VPS41: variants seen among roughly 807,000 people sequenced by gnomAD.
VPS41 encodes the protein VPS41 subunit of HOPS complex.
In VPS41, 85 loss-of-function variants were observed where a neutral mutation model predicts 130.9. That is an observed-to-expected ratio of 0.65 (90% CI 0.55 to 0.78). The LOEUF (loss-of-function observed/expected upper bound fraction) is 0.78, where lower values mean the gene tolerates loss of function less well. VPS41 is among the 30% of genes least tolerant of loss of function. The probability of loss-of-function intolerance (pLI) is 0.00; values close to 1 mark genes in which losing one functional copy is unlikely to be tolerated. For synonymous variants in VPS41, 335 were observed against 332.9 expected (o/e 1.01, Z -0.07); for missense variants, 874 against 1,018.7 (o/e 0.86, Z 1.93).
intron 4 of VPS41, among the ~76,000 whole-genome samples, chr7:38,847,347 G>T (rs1352855768): frequency 6.6e-6 from 1 of 151,836 alleles, no homozygotes; most frequent in Non-Finnish European, 1.5e-5. Flanking sequence ...AAGATTCCTA[G>T]TCCACAGGGC....
chr7:38,900,684 G>C (rs189124425), intron 1 of VPS41, among the ~76,000 whole-genome samples: 28 of 152,296 alleles, frequency 1.8e-4, no homozygotes, highest in African/African-American at 6.5e-4. Flanking sequence ...TGAATCTTCA[G>C]GGAAAACTGG....
intron 27 of VPS41, among the ~76,000 whole-genome samples, chr7:38,728,086 T>C (rs2115558205): frequency 6.6e-6 from 1 of 152,324 alleles, no homozygotes; most frequent in African/African-American, 2.4e-5. Context: ...CTATAAATTT[T>C]TTTTCCCAGA....
intron 4 of VPS41, among the ~76,000 whole-genome samples, chr7:38,840,841 C>G (rs1471992964): frequency 6.6e-6 from 1 of 152,168 alleles, no homozygotes; most frequent in Non-Finnish European, 1.5e-5. Context: ...TTCATTGAAA[C>G]AGTAAAACCA....
intron 18 of VPS41, among the ~76,000 whole-genome samples, 158 bp downstream of exon 18, chr7:38,758,196 G>T (rs762397567): frequency 6.6e-6 from 1 of 152,110 alleles, no homozygotes; most frequent in Non-Finnish European, 1.5e-5. Context: ...TGTCCTTATC[G>T]CCTACTCATT....
intron 5 of VPS41, among the ~76,000 whole-genome samples, chr7:38,826,049 T>C (rs181329895): frequency 1.3e-5 from 2 of 152,276 alleles, no homozygotes; most frequent in African/African-American, 4.8e-5. Flanking sequence ...CCTCCAGTGG[T>C]AGCTAAAGGG....
chr7:38,889,165 C>T (rs1347612651), intron 2 of VPS41, among the ~76,000 whole-genome samples: 1 of 149,052 alleles, frequency 6.7e-6, no homozygotes, highest in African/African-American at 2.5e-5. Context: ...AAAGGGCCAA[C>T]ATTCATGTTA....
At chr7:38,858,854 T>C (rs1786041591) in intron 4 of VPS41, among the ~76,000 whole-genome samples, 1 of 152,206 alleles carries the variant, frequency 6.6e-6, no homozygotes, top group African/African-American at 2.4e-5. Context: ...CTTATTGGTA[T>C]TTAGAATATA....
At chr7:38,884,259 G>A (rs910946464) in intron 2 of VPS41, among the ~76,000 whole-genome samples, 1 of 152,122 alleles carries the variant, frequency 6.6e-6, no homozygotes, top group African/African-American at 2.4e-5. Context: ...AACTCTCTTT[G>A]TGGCTGATGC....
Position 38,728,799 on chromosome 7 carries a change from A to G in VPS41, c.2260-8T>C. On this transcript the variant is annotated splice_polypyrimidine_tract_variant and splice_region_variant and intron_variant, in intron 25 of 28. Coordinates refer to ENST00000310301, the MANE Select transcript of VPS41 (RefSeq NM_014396.4). ...GCCTTCACGAAGCAGAATCTAATGC[A>G]TACATTTTAAAAGAAAAGCCATCTT... The G allele has an allele frequency of 6.2e-7, 1 of 1,613,382 alleles. No individual in the cohort carries two copies. The highest frequency in any genetic ancestry group is 8.5e-7 in the Non-Finnish European group (1 of 1,179,362).
intron 14 of VPS41, among the ~76,000 whole-genome samples, chr7:38,770,069 A>C (rs1784124718): frequency 6.6e-6 from 1 of 152,146 alleles, no homozygotes; most frequent in African/African-American, 2.4e-5. Context: ...CGGGAGTTCA[A>C]GACCAGCCTG....
At chr7:38,854,615 A>C (rs1030628264) in intron 4 of VPS41, among the ~76,000 whole-genome samples, 4 of 152,238 alleles carry the variant, frequency 2.6e-5, no homozygotes, top group African/African-American at 9.6e-5. Flanking sequence ...GTATGAAAAA[A>C]ACCTTGATTA....
intron 4 of VPS41, among the ~76,000 whole-genome samples, chr7:38,854,705 T>A (rs1785940160): frequency 6.6e-6 from 1 of 152,196 alleles, no homozygotes; most frequent in African/African-American, 2.4e-5. Context: ...AATTTCTTAT[T>A]TCTATCAGTT....
At chr7:38,730,919 A>G (rs1378250291) in intron 25 of VPS41, among the ~76,000 whole-genome samples, 1 of 152,228 alleles carries the variant, frequency 6.6e-6, no homozygotes, top group African/African-American at 2.4e-5. Flanking sequence ...AAAACAGCAA[A>G]ATATGCAAAC....
At chr7:38,739,926 C>T (rs536273327) in intron 25 of VPS41, among the ~76,000 whole-genome samples, 1 of 152,164 alleles carries the variant, frequency 6.6e-6, no homozygotes, top group Non-Finnish European at 1.5e-5. Context: ...ATTCATTTTG[C>T]ATCTAATAAT....
In VPS41 at chr7:38,737,898, A is replaced by G. The variant is rs147490197; in HGVS notation, c.2259+4087T>C. ...CTAGGCAGGTGTTGGCCTAAAGGCA[A>G]TTCAGCTTTGTACCCAATGCCTTAG... On this transcript the variant is annotated intron_variant, in intron 25 of 28. Transcript: ENST00000310301. Among the ~76,000 whole-genome samples, 5 of 152,362 alleles carry G rather than the reference A, an allele frequency of 3.3e-5. No homozygotes were observed. In the East Asian group the frequency reaches 9.6e-4, roughly 29 times the overall value.
intron 10 of VPS41, among the ~76,000 whole-genome samples, chr7:38,785,134 T>C (rs1784417520): frequency 6.6e-6 from 1 of 152,218 alleles, no homozygotes; most frequent in African/African-American, 2.4e-5. Context: ...CAGATATTAG[T>C]ATTTTATAAT....
chr7:38,896,993 A>G (rs1211348697), intron 2 of VPS41, among the ~76,000 whole-genome samples: 1 of 152,104 alleles, frequency 6.6e-6, no homozygotes, highest in East Asian at 1.9e-4. Flanking sequence ...CAAGAGTTTG[A>G]GAGCAGCCTG....
chr7:38,906,043 G>C (rs766356105), intron 1 of VPS41, among the ~76,000 whole-genome samples: 1 of 151,976 alleles, frequency 6.6e-6, no homozygotes, highest in Non-Finnish European at 1.5e-5. Flanking sequence ...TGATCCACCC[G>C]CCTCAGCCTC....
At chr7:38,865,572 T>C (rs1381722118) in intron 3 of VPS41, among the ~76,000 whole-genome samples, 1 of 152,202 alleles carries the variant, frequency 6.6e-6, no homozygotes, top group Non-Finnish European at 1.5e-5. Flanking sequence ...TGGAAGTATC[T>C]CTAAGACCCT....
Sources: gnomAD v4.1 joint callset for allele counts (sites outside exome capture counted in the v4.1 genomes callset) on GRCh38, gnomAD v4.1.1 for gene constraint, MANE v1.5 for transcripts, NCBI Gene and HGNC (gene_info 2026-07-23, HGNC 2026-07-21) for gene names.